The following DOCK8 variants were observed in gnomAD, a reference collection of about 807,000 sequenced individuals.
The protein encoded by DOCK8 is dedicator of cytokinesis protein 8.
Under a neutral mutation model 245.6 loss-of-function variants are expected in DOCK8, and 141 were observed. The ratio of observed to expected loss-of-function variants is 0.57; its 90% CI spans 0.50 to 0.66. The LOEUF (loss-of-function observed/expected upper bound fraction) is 0.66. Among genes scored for constraint, DOCK8 ranks in the 30% least tolerant of loss-of-function variants. The pLI, the probability that DOCK8 is intolerant of heterozygous loss-of-function variation, is 0.00. For synonymous variants in DOCK8, 1,168 were observed against 970.2 expected, an observed-to-expected ratio of 1.20 and a Z score of -3.79; for missense variants, 2,965 against 2,603.4, an observed-to-expected ratio of 1.14 and a Z score of -3.02.
chr9:219,069 T>C (rs2046827157), intron 1 of DOCK8, among the ~76,000 whole-genome samples: 1 of 152,226 alleles, frequency 6.6e-6, no homozygotes, highest in Admixed American at 6.5e-5. Flanking sequence ...CATGCTGCCA[T>C]CTCAGTTTTA....
intron 1 of DOCK8, among the ~76,000 whole-genome samples, chr9:222,942 C>A (rs754612093): frequency 6.6e-6 from 1 of 152,140 alleles, no homozygotes; most frequent in East Asian, 1.9e-4. Flanking sequence ...AATCAGAATC[C>A]CTTTCTATCG....
intron 1 of DOCK8, among the ~76,000 whole-genome samples, chr9:264,127 C>A (rs1382057214): frequency 6.6e-6 from 1 of 152,202 alleles, no homozygotes; most frequent in Non-Finnish European, 1.5e-5. Context: ...TCTTTAAACA[C>A]AAGACACTAA....
At chr9:309,898 CTATT>C (rs2050020339) in intron 5 of DOCK8, among the ~76,000 whole-genome samples, 1 of 152,178 alleles carries the variant, frequency 6.6e-6, no homozygotes, top group Admixed American at 6.5e-5. Context: ...AGTCTCCTAT[CTATT>C]TATTTGTGAA....
chr9:264,210 T>C (rs2047985442), intron 1 of DOCK8, among the ~76,000 whole-genome samples: 1 of 152,200 alleles, frequency 6.6e-6, no homozygotes, highest in Admixed American at 6.5e-5. Context: ...GAAGGAAACT[T>C]ATATGATGAC....
intron 1 of DOCK8, among the ~76,000 whole-genome samples, chr9:230,534 C>T (rs982478445): frequency 6.6e-6 from 1 of 152,070 alleles, no homozygotes; most frequent in African/African-American, 2.4e-5. Flanking sequence ...AAAAGTGTTC[C>T]TATTTCTCCA....
chr9:261,718 T>C (rs1169711428), intron 1 of DOCK8, among the ~76,000 whole-genome samples: 2 of 152,224 alleles, frequency 1.3e-5, no homozygotes, highest in African/African-American at 4.8e-5. Context: ...TAGTTGTGGA[T>C]GTAATATTTT....
intron 11 of DOCK8, among the ~76,000 whole-genome samples, chr9:335,013 G>A (rs186191348): frequency 1.4e-3 from 215 of 152,124 alleles, no homozygotes; most frequent in African/African-American, 4.9e-3. Context: ...AACCAGGGAG[G>A]CGAGGTTACA....
chr9:220,925 T>G, intron 1 of DOCK8: 1 of 262,398 alleles, frequency 3.8e-6, no homozygotes, highest in Non-Finnish European at 7.7e-6. Flanking sequence ...TTCACCGTGT[T>G]GTTCAGGCTG....
At chr9:463,217 C>T (rs1384477372) in intron 46 of DOCK8, among the ~76,000 whole-genome samples, 5 of 151,752 alleles carry the variant, frequency 3.3e-5, no homozygotes, top group Admixed American at 6.6e-5. Flanking sequence ...GTGATCATGC[C>T]ACTGCACTCC....
At chr9:295,118 C>A (rs2130445212) in intron 4 of DOCK8, among the ~76,000 whole-genome samples, 1 of 151,798 alleles carries the variant, frequency 6.6e-6, no homozygotes, top group East Asian at 1.9e-4. Flanking sequence ...TGAGATCATG[C>A]CATTGTACTC....
At chr9:438,791 C>T (rs937125024) in intron 39 of DOCK8, among the ~76,000 whole-genome samples, 1 of 152,226 alleles carries the variant, frequency 6.6e-6, no homozygotes, top group African/African-American at 2.4e-5. Context: ...TTGCTGTTGT[C>T]GTATGTCATG....
chr9:276,653 G>A (rs1042938279), intron 2 of DOCK8, among the ~76,000 whole-genome samples: 14 of 152,286 alleles, frequency 9.2e-5, no homozygotes, highest in Admixed American at 6.5e-4. Context: ...AACCCTGTGT[G>A]TAGACTCACT....
chr9:421,625 T>C (rs2056284033), intron 32 of DOCK8, among the ~76,000 whole-genome samples: 1 of 152,194 alleles, frequency 6.6e-6, no homozygotes, highest in African/African-American at 2.4e-5. Flanking sequence ...CTCAGTCTTA[T>C]TCACCATGCT....
In DOCK8 at chr9:451,955, GTATATA is replaced by G. The variant is rs564265852; in HGVS notation, c.5962-38_5962-33del. On this transcript the variant is annotated intron_variant, in intron 45 of 47. Transcript: ENST00000432829. ...TGTGTATATATATATGTGTGTGTGT[GTATATA>G]TATATATATATATATATTTTTTTTT... 7.9e-4 allele frequency: 286 copies of G among 362,318 alleles called. 2 individuals carry two copies. Among genetic ancestry groups the G allele is most frequent in the South Asian group, 4.3e-3 (123 of 28,496 alleles). The allele number at this position is 362,318 out of a possible 1,614,324, so 22.4% of individuals were successfully genotyped here. A position where few individuals can be genotyped will look rare whatever the true frequency, so the allele number is the denominator to read the frequency against.
chr9:381,700 A>C (rs893605051), intron 21 of DOCK8, among the ~76,000 whole-genome samples: 7 of 152,126 alleles, frequency 4.6e-5, no homozygotes, highest in African/African-American at 1.7e-4. Flanking sequence ...TCATGCCTGT[A>C]ATCAATCCTA....
At chr9:291,743 C>A (rs929929066) in intron 4 of DOCK8, among the ~76,000 whole-genome samples, 1 of 151,224 alleles carries the variant, frequency 6.6e-6, no homozygotes, top group African/African-American at 2.4e-5. Context: ...AAAGGATATG[C>A]ACAAATTTAA....
Position 317,090 on chromosome 9 carries a change from C to T in DOCK8, c.789C>T (p.His263=), listed in dbSNP as rs781395560. ...IRPVPECPKE[H]LGNRILVKLL... is the part of the protein sequence containing the mutation. ...CAGTACCAGAATGTCCCAAGGAACACCTGGGCAACAGAATATTGGTCAAGT... is the reference window on the plus strand; with the variant it reads ...CAGTACCAGAATGTCCCAAGGAACATCTGGGCAACAGAATATTGGTCAAGT... The change falls in exon 7 of 48, where the codon CAC becomes CAT. Residue 263 remains histidine (H), a synonymous_variant. Coordinates refer to ENST00000432829, the MANE Select transcript of DOCK8 (RefSeq NM_203447.4). The T allele has an allele frequency of 1.2e-6, 2 of 1,614,048 alleles. No individual in the cohort carries two copies. Among genetic ancestry groups the T allele is most frequent in the East Asian group, 2.2e-5 (1 of 44,874 alleles).
Position 429,641 on chromosome 9 carries a change from C to A in DOCK8, c.4474-61C>A. The stretch of plus-strand genomic sequence containing the variant: ...CCAAATGGACATTTGCATATTTCAA[C>A]GGTCCAGAAAGTGTATCAAACTGCC... On this transcript the variant is annotated intron_variant, in intron 35 of 47. Coordinates refer to ENST00000432829, the MANE Select transcript of DOCK8 (RefSeq NM_203447.4). 5 of 1,594,702 alleles carry A rather than the reference C, an allele frequency of 3.1e-6. No individual in the cohort carries two copies. In the Admixed American group the frequency reaches 5.0e-5, roughly 16 times the overall value.
intron 4 of DOCK8, among the ~76,000 whole-genome samples, chr9:295,891 T>C (rs1349761026): frequency 1.3e-5 from 2 of 152,184 alleles, no homozygotes; most frequent in African/African-American, 4.8e-5. Flanking sequence ...ATTTAAATCA[T>C]ACAAATAATG....
Sources: allele counts gnomAD v4.1 joint callset (sites outside exome capture counted in the v4.1 genomes callset), GRCh38; gene constraint gnomAD v4.1.1; transcripts MANE v1.5; gene names NCBI Gene and HGNC (gene_info 2026-07-23, HGNC 2026-07-21).